SLC16A6: variants seen among roughly 807,000 people sequenced by gnomAD.
SLC16A6 encodes solute carrier family 16 member 6.
In SLC16A6, 15 loss-of-function variants were observed where a neutral mutation model predicts 33.8. That is an observed-to-expected ratio of 0.44 (90% CI 0.30 to 0.68). The LOEUF is 0.68. Ranked by LOEUF, SLC16A6 falls within the 30% of genes least tolerant of loss-of-function variation. SLC16A6 has a pLI of 0.10. For missense variants in SLC16A6, 451 were observed against 661.5 expected (o/e 0.68, Z 3.49); for synonymous variants, 219 against 248.4 (o/e 0.88, Z 1.11).
At chr17:68,291,316 GGCCGCCTGCGACCCGGGCCGTGCGTGCT>G (rs2075979561), upstream of SLC16A6, 1 of 84,354 alleles carries the variant, frequency 1.2e-5, no homozygotes, top group Non-Finnish European at 2.5e-5. Context: ...CCCCCACCCC[GGCCGCCTGCGACCCGGGCCGTGCGTGCT>G]GCCGCCCGCG....
chr17:68,280,255 C>G (rs1555752266), intron 1 of SLC16A6, among the ~76,000 whole-genome samples: 1 of 148,654 alleles, frequency 6.7e-6, no homozygotes, highest in African/African-American at 2.5e-5. Flanking sequence ...TATCAAAATA[C>G]CAATGACATT....
chr17:68,287,706 C>A (rs550550121), intron 1 of SLC16A6, among the ~76,000 whole-genome samples: 1 of 152,240 alleles, frequency 6.6e-6, no homozygotes, highest in African/African-American at 2.4e-5. Context: ...CCTTTATCAT[C>A]CTAAAGCATC....
rs949442734 is a variant in SLC16A6 at position 68,272,865 on chromosome 17, A to G, written c.377-98T>C. ...CTGGGATTTTTGGTTTTGCTTTTTG[A>G]ATCTTAAGTTCTAGGAGCCAAGTAA... On this transcript the variant is annotated intron_variant, in intron 3 of 5. Transcript: ENST00000580666. The G allele has an allele frequency of 2.2e-5, 33 of 1,472,004 alleles. 1 individual carries two copies. The Admixed American group carries it at 2.7e-4, about 12-fold the overall frequency. The allele number at this position is 1,472,004 out of a possible 1,614,324, so 91.2% of individuals were successfully genotyped here.
rs185721883 is a variant in SLC16A6, at chr17:68,273,028, A to G, written c.377-261T>C. Among the ~76,000 whole-genome samples the G allele has an allele frequency of 2.3e-3, 344 of 151,792 alleles. 3 individuals carry two copies. Among genetic ancestry groups the G allele is most frequent in the Admixed American group, 2.4e-3 (37 of 15,192 alleles). On this transcript the variant is annotated intron_variant, in intron 3 of 5. Transcript: ENST00000580666. ...TTGCAACACTTTTTTTCAAATTTAT[A>G]TAATTCACAATGGATGAAACTATTA...
At chr17:68,278,656 G>T (rs921944740) in intron 1 of SLC16A6, among the ~76,000 whole-genome samples, 14 of 118,036 alleles carry the variant, frequency 1.2e-4, no homozygotes, top group South Asian at 2.6e-4. Flanking sequence ...GTCTCACTCT[G>T]TTGCCCAGGC....
At chr17:68,280,919 G>C (rs1449015818) in intron 1 of SLC16A6, among the ~76,000 whole-genome samples, 2 of 152,064 alleles carry the variant, frequency 1.3e-5, no homozygotes, top group Non-Finnish European at 1.5e-5. Flanking sequence ...GAGCTAAGGC[G>C]TTTGAGACCA....
chr17:68,273,779 G>C, intron 3 of SLC16A6, 148 bp downstream of exon 3: 2 of 979,000 alleles, frequency 2.0e-6, no homozygotes, highest in Non-Finnish European at 3.0e-6. Context: ...ATATAGCTCA[G>C]TTCAAAACTA....
At chr17:68,287,338 T>G (rs1478851997) in intron 1 of SLC16A6, among the ~76,000 whole-genome samples, 1 of 151,956 alleles carries the variant, frequency 6.6e-6, no homozygotes, top group Non-Finnish European at 1.5e-5. Flanking sequence ...CTTTTTTTTT[T>G]TAATAGAGAC....
chr17:68,287,769 A>G (rs937865549), intron 1 of SLC16A6, among the ~76,000 whole-genome samples: 5 of 152,142 alleles, frequency 3.3e-5, no homozygotes, highest in African/African-American at 7.2e-5. Flanking sequence ...TAAAGTAATA[A>G]CAGGATAACC....
At chr17:68,284,403 A>G (rs965976447) in intron 1 of SLC16A6, among the ~76,000 whole-genome samples, 1 of 152,118 alleles carries the variant, frequency 6.6e-6, no homozygotes, top group Non-Finnish European at 1.5e-5. Context: ...AAAATAAATA[A>G]ATAAAATAAT....
chr17:68,270,732 A>G (rs537535884), intron 5 of SLC16A6, 107 bp downstream of exon 5: 3 of 962,480 alleles, frequency 3.1e-6, no homozygotes, highest in East Asian at 2.6e-5. Context: ...CTAAAATTCA[A>G]TGGAAATATA....
chr17:68,282,644 A>G (rs952038976), intron 1 of SLC16A6, among the ~76,000 whole-genome samples: 1 of 151,774 alleles, frequency 6.6e-6, no homozygotes, highest in Non-Finnish European at 1.5e-5. Flanking sequence ...ACAAAAAAGT[A>G]TAAGAAGAAA....
chr17:68,277,981 C>T (rs901086170), intron 2 of SLC16A6, 108 bp downstream of exon 2: 41 of 701,946 alleles, frequency 5.8e-5, no homozygotes, highest in African/African-American at 1.1e-4. Context: ...GACCAACAGG[C>T]GTATAAGGGA....
chr17:68,273,189 C>T (rs1221812653), intron 3 of SLC16A6, among the ~76,000 whole-genome samples: 2 of 151,508 alleles, frequency 1.3e-5, no homozygotes, highest in South Asian at 2.1e-4. Context: ...GAATATATGG[C>T]CTCCTTTTAT....
intron 1 of SLC16A6, among the ~76,000 whole-genome samples, chr17:68,280,478 T>G (rs1399118275): frequency 1.3e-5 from 2 of 152,086 alleles, no homozygotes; most frequent in Non-Finnish European, 2.9e-5. Flanking sequence ...AACCCTGAAA[T>G]TAATCCACAT....
At position 68,271,239 on chromosome 17, in the gene SLC16A6, T is replaced by A. The variant is rs1290905392; in HGVS notation, c.921A>T (p.Gly307=). 2 of 1,614,018 alleles carry A rather than the reference T, an allele frequency of 1.2e-6. No homozygotes were observed. Among genetic ancestry groups the A allele is most frequent in the African/African-American group, 2.7e-5 (2 of 74,928 alleles). The stretch of plus-strand genomic sequence containing the variant: ...TGATGTACAAGGAAGGTGCAAAGAA[T>A]CCCAGTGTTGCAAAGAGACCAAATA... ...YALFGLFATL[G]FFAPSLYIIP... Residue 307 remains glycine (G), a synonymous_variant, in exon 5 of 6, where the codon GGA becomes GGT. Coordinates refer to ENST00000580666, the MANE Select transcript of SLC16A6 (RefSeq NM_004694.5). This position sits in a 1 kb window ranked among gnomAD's most constrained non-coding sequence, Gnocchi z 5.3.
intron 1 of SLC16A6, among the ~76,000 whole-genome samples, chr17:68,282,799 A>AAAAAAAAAAAAAAAAAAAAAC: frequency 6.7e-6 from 1 of 148,324 alleles, no homozygotes; most frequent in African/African-American, 2.5e-5. Flanking sequence ...AAAAAAAAAA[A>AAAAAAAAAAAAAAAAAAAAAC]AGGCCAGGTG....
At chr17:68,272,896 T>TCTGG (rs2075386530) in intron 3 of SLC16A6, 129 bp from the exon 4 acceptor site, 2 of 1,140,602 alleles carry the variant, frequency 1.8e-6, no homozygotes. Context: ...AGTAATTCAT[T>TCTGG]CTGGACAAAG....
chr17:68,278,470 G>A (rs2075594093), intron 1 of SLC16A6, 143 bp from the exon 2 acceptor site: 6 of 607,542 alleles, frequency 9.9e-6, no homozygotes, highest in Middle Eastern at 4.5e-4. Context: ...TATTTATTGA[G>A]ATGGAGTCTT....
Sources: gnomAD v4.1 joint callset for allele counts (sites outside exome capture counted in the v4.1 genomes callset) on GRCh38, gnomAD v4.1.1 for gene constraint, Gnocchi (gnomAD v3.1) non-coding constraint, MANE v1.5 for transcripts, NCBI Gene and HGNC (gene_info 2026-07-23, HGNC 2026-07-21) for gene names.